Variants in AGBL4 observed in about 807,000 individuals in gnomAD.
The protein encoded by AGBL4 is AGBL carboxypeptidase 4, also known as cytosolic carboxypeptidase 6.
In AGBL4, 58 loss-of-function variants were observed where a neutral mutation model predicts 66.4. The ratio of observed to expected loss-of-function variants is 0.87; its 90% CI spans 0.71 to 1.09. AGBL4 has a LOEUF of 1.09. AGBL4 is among the 50% of genes least tolerant of loss of function. The probability of loss-of-function intolerance (pLI) is 0.00; values close to 1 mark genes in which losing one functional copy is unlikely to be tolerated. For missense variants in AGBL4, 579 were observed against 631.0 expected (o/e 0.92, Z 0.88); for synonymous variants, 234 against 222.9 (o/e 1.05, Z -0.44).
At chr1:49,645,997 G>T (rs1001097775) in intron 3 of AGBL4, among the ~76,000 whole-genome samples, 1 of 151,368 alleles carries the variant, frequency 6.6e-6, no homozygotes, top group Non-Finnish European at 1.5e-5. Context: ...ACAACTCTCC[G>T]TAAACTACTA....
chr1:49,794,755 C>T (rs368709668), intron 2 of AGBL4, among the ~76,000 whole-genome samples: 1 of 151,836 alleles, frequency 6.6e-6, no homozygotes, highest in East Asian at 1.9e-4. Flanking sequence ...AATAGGAATT[C>T]ATTAAATAAT....
At chr1:49,348,491 T>C (rs910499294) in intron 3 of AGBL4, among the ~76,000 whole-genome samples, 9 of 151,872 alleles carry the variant, frequency 5.9e-5, no homozygotes, top group Non-Finnish European at 1.3e-4. Context: ...AGAAAACACA[T>C]GCACAGATAA....
At chr1:49,299,659 T>G (rs1644707790) in intron 3 of AGBL4, among the ~76,000 whole-genome samples, 1 of 152,206 alleles carries the variant, frequency 6.6e-6, no homozygotes. Context: ...TAGCTAGGAC[T>G]TCCCATACTT....
At chr1:49,302,428 T>G (rs1644762628) in intron 3 of AGBL4, among the ~76,000 whole-genome samples, 1 of 151,814 alleles carries the variant, frequency 6.6e-6, no homozygotes, top group Non-Finnish European at 1.5e-5. Context: ...AATTTTTTTG[T>G]ATTTTTAGTA....
intron 4 of AGBL4, among the ~76,000 whole-genome samples, chr1:49,243,542 G>C (rs1651403471): frequency 6.6e-6 from 1 of 151,758 alleles, no homozygotes; most frequent in African/African-American, 2.4e-5. Context: ...TTCAACAGTA[G>C]CAAGGAGAAT....
rs1645967909 is a variant in AGBL4, at chr1:48,653,533, A to G, written c.725-82T>C. The G allele has an allele frequency of 9.1e-6, 10 of 1,102,836 alleles. No individual in the cohort carries two copies. The South Asian group carries it at 1.2e-4, about 13-fold the overall frequency. 68.3% of individuals were successfully genotyped at this position (1,102,836 alleles called of 1,614,324 possible). A position where few individuals can be genotyped will look rare whatever the true frequency, so the allele number is the denominator to read the frequency against. On this transcript the variant is annotated intron_variant, in intron 7 of 13. Transcript: ENST00000371839. ...CATTTTTCTCAGCTTGGAAAACAAG[A>G]AGAGCTCAATAGGTGATTTTGGCCT...
intron 3 of AGBL4, among the ~76,000 whole-genome samples, chr1:49,552,123 C>G (rs989384978): frequency 2.6e-5 from 4 of 152,138 alleles, no homozygotes; most frequent in African/African-American, 9.7e-5. Flanking sequence ...AGCTCCCATG[C>G]AAACTGAAGG....
rs185401171 is a variant in AGBL4, at chr1:49,932,969, G to C, written c.35-81451C>G. Among the ~76,000 whole-genome samples, 21 of 152,200 alleles carry C rather than the reference G, an allele frequency of 1.4e-4. No individual in the cohort carries two copies. In the East Asian group the frequency reaches 3.9e-3, roughly 28 times the overall value. On this transcript the variant is annotated intron_variant, in intron 1 of 13. Transcript: ENST00000371839. ...TACACATCATGGGAATGCCAAAGAA[G>C]ACGAGAGACCAAAAACGTCAGAAAG...
intron 6 of AGBL4, chr1:48,818,030 T>C (rs1200977648): frequency 5.6e-6 from 4 of 709,306 alleles, no homozygotes; most frequent in African/African-American, 1.8e-5. Flanking sequence ...TTCCCGAGAT[T>C]AGGTCAAATT....
At chr1:48,646,895 G>A (rs1234589135) in intron 8 of AGBL4, among the ~76,000 whole-genome samples, 1 of 152,142 alleles carries the variant, frequency 6.6e-6, no homozygotes, top group East Asian at 1.9e-4. Context: ...ATAATGTGCA[G>A]TGAGGAGACA....
At chr1:48,534,844 A>G in intron 13 of AGBL4, 46 bp downstream of exon 13, 5 of 1,535,280 alleles carry the variant, frequency 3.3e-6, no homozygotes, top group East Asian at 4.9e-5. Context: ...GAGCACATGC[A>G]TGGTATGTTA....
At chr1:49,823,435 C>A (rs1231998670) in intron 2 of AGBL4, among the ~76,000 whole-genome samples, 1 of 152,154 alleles carries the variant, frequency 6.6e-6, no homozygotes, top group African/African-American at 2.4e-5. Context: ...TATATTAATA[C>A]ACGTTGGTTG....
At chr1:49,171,403 A>G (rs1013248638) in intron 4 of AGBL4, among the ~76,000 whole-genome samples, 1 of 152,228 alleles carries the variant, frequency 6.6e-6, no homozygotes, top group Non-Finnish European at 1.5e-5. Flanking sequence ...ATCACAGCCC[A>G]TATTTCAAGT....
chr1:49,866,624 C>A (rs981728966), intron 1 of AGBL4, among the ~76,000 whole-genome samples: 2 of 151,924 alleles, frequency 1.3e-5, no homozygotes, highest in Non-Finnish European at 2.9e-5. Flanking sequence ...ATTAGCCGGG[C>A]GTGGTGGCAT....
intron 3 of AGBL4, among the ~76,000 whole-genome samples, chr1:49,306,514 C>A (rs1228422219): frequency 1.3e-5 from 2 of 152,140 alleles, no homozygotes; most frequent in Admixed American, 6.5e-5. Context: ...AACATCATAG[C>A]CTTTACAAAA....
intron 5 of AGBL4, among the ~76,000 whole-genome samples, chr1:49,021,796 C>T (rs1663272024): frequency 6.6e-6 from 1 of 152,172 alleles, no homozygotes; most frequent in Admixed American, 6.5e-5. Flanking sequence ...CTCCTAGGAA[C>T]TTTACACATT....
chr1:49,883,148 C>T (rs1019862201), intron 1 of AGBL4, among the ~76,000 whole-genome samples: 1 of 152,244 alleles, frequency 6.6e-6, no homozygotes, highest in Admixed American at 6.5e-5. Flanking sequence ...TCACCAAATA[C>T]ATTGTCATTC....
intron 6 of AGBL4, among the ~76,000 whole-genome samples, chr1:48,764,327 C>G (rs1644423128): frequency 6.6e-6 from 1 of 152,166 alleles, no homozygotes; most frequent in Admixed American, 6.5e-5. Context: ...AATTCCTACT[C>G]ACGTTGCAGA....
chr1:49,749,246 A>C (rs962508351), intron 2 of AGBL4, among the ~76,000 whole-genome samples: 1 of 152,106 alleles, frequency 6.6e-6, no homozygotes, highest in Admixed American at 6.6e-5. Context: ...TTTTTGCAAC[A>C]CAGTTTTAAA....
Sources: allele counts gnomAD v4.1 joint callset (sites outside exome capture counted in the v4.1 genomes callset), GRCh38; gene constraint gnomAD v4.1.1; transcripts MANE v1.5; gene names NCBI Gene and HGNC (gene_info 2026-07-23, HGNC 2026-07-21).